The following ANO1 variants were observed in gnomAD, a reference collection of about 807,000 sequenced individuals.
The protein encoded by ANO1 is anoctamin 1.
ANO1 carries 59 observed loss-of-function variants against 124.0 expected under a neutral mutation model. The observed-to-expected ratio is 0.48, with a 90% CI of 0.39 to 0.59. The LOEUF (loss-of-function observed/expected upper bound fraction) is 0.59. Ranked by LOEUF, ANO1 falls within the 20% of genes least tolerant of loss-of-function variation. The pLI, the probability that ANO1 is intolerant of heterozygous loss-of-function variation, is 0.00. For missense variants in ANO1, 1,059 were observed against 1,328.0 expected (o/e 0.80, Z 3.15); for synonymous variants, 529 against 532.0 (o/e 0.99, Z 0.08).
chr11:70,149,805 G>C lies in ANO1; in HGVS notation c.1341+13G>C, dbSNP rs767057108. ...TGAAGAGGAAGAGGTCAGTGGGTTT[G>C]CCGCCGTGCATATCACGCCCTTCCC... On this transcript the variant is annotated intron_variant, in intron 12 of 25. Coordinates refer to ENST00000355303, the MANE Select transcript of ANO1 (RefSeq NM_018043.7). 38 of 1,612,632 alleles carry C rather than the reference G, an allele frequency of 2.4e-5. No homozygotes were observed. Among genetic ancestry groups the C allele is most frequent in the Middle Eastern group, 1.6e-4 (1 of 6,080 alleles).
At chr11:70,183,607 G>A (rs905350136) in intron 24 of ANO1, among the ~76,000 whole-genome samples, 3 of 152,216 alleles carry the variant, frequency 2.0e-5, no homozygotes, top group Non-Finnish European at 4.4e-5. Flanking sequence ...AAAGAGGAAC[G>A]AGCTGGTGCG....
intron 1 of ANO1, among the ~76,000 whole-genome samples, chr11:70,053,133 T>TAATTCCAATA (rs1857380305): frequency 1.3e-5 from 2 of 152,238 alleles, no homozygotes; most frequent in African/African-American, 4.8e-5. Flanking sequence ...ATTTACTTTT[T>TAATTCCAATA]GATTCCAATA....
At chr11:70,076,491 C>T (rs1016482956), upstream of ANO1, among the ~76,000 whole-genome samples, 3 of 151,898 alleles carry the variant, frequency 2.0e-5, no homozygotes, top group African/African-American at 4.8e-5. Flanking sequence ...TGTTGGCACT[C>T]GAACACAAAT....
At chr11:70,056,006 TA>T (rs1555006813) in intron 1 of ANO1, among the ~76,000 whole-genome samples, 133 of 152,044 alleles carry the variant, frequency 8.7e-4, no homozygotes, top group African/African-American at 3.1e-3. Flanking sequence ...TTTTGTCATG[TA>T]TTAATATTAC....
chr11:69,988,125 G>A lies in ANO1; in HGVS notation c.58+1959G>A, dbSNP rs1221105075. On this transcript the variant is annotated intron_variant, in intron 1 of 27. Coordinates refer to the ANO1 transcript ENST00000531349. ...TCCATGGGAAGCCTCACAGCACCAC[G>A]CCACTTTCGCTCTGTCCATGTCATT... 3.3e-5 allele frequency among the ~76,000 whole-genome samples: 5 copies of A among 152,196 alleles called. No homozygotes were observed. The South Asian group carries it at 6.2e-4, about 19-fold the overall frequency.
At position 69,992,253 on chromosome 11, in the gene ANO1, G is replaced by GATGT. The variant is rs1412634332; in HGVS notation, c.58+6090_58+6091insTATG. On this transcript the variant is annotated intron_variant, in intron 1 of 27. Coordinates refer to the ANO1 transcript ENST00000531349. Reference sequence around the variant, plus strand: ...GGATGGATGGATGGATGGATGGATGGATGATGGATAAATGGATGGATGGAC... The same window carrying GATGT: ...GGATGGATGGATGGATGGATGGATGGATGTATGATGGATAAATGGATGGATGGAC... 6.0e-5 allele frequency among the ~76,000 whole-genome samples: 9 copies of GATGT among 150,016 alleles called. No homozygotes were observed. In the South Asian group the frequency reaches 1.1e-3, roughly 18 times the overall value.
At chr11:70,008,416 T>C (rs1473724767) in intron 1 of ANO1, among the ~76,000 whole-genome samples, 1 of 152,240 alleles carries the variant, frequency 6.6e-6, no homozygotes. Flanking sequence ...AGTTCACTTT[T>C]GTATATGGCG....
intron 12 of ANO1, among the ~76,000 whole-genome samples, chr11:70,150,082 C>T (rs58630770): frequency 0.013 from 2,054 of 152,322 alleles, 58 homozygotes; most frequent in African/African-American, 0.047. Context: ...TGCCAGGGCT[C>T]ACCACACTGA....
intron 1 of ANO1, among the ~76,000 whole-genome samples, chr11:70,068,923 C>A (rs919704269): frequency 6.6e-6 from 1 of 152,216 alleles, no homozygotes; most frequent in Non-Finnish European, 1.5e-5. Context: ...CCCAATGTCA[C>A]CAGCCGCTGC....
chr11:70,048,473 G>T (rs575820101), intron 1 of ANO1, among the ~76,000 whole-genome samples: 11 of 152,040 alleles, frequency 7.2e-5, no homozygotes, highest in East Asian at 1.9e-4. Flanking sequence ...TTAGGCAATG[G>T]GGGGGTGGTG....
intron 12 of ANO1, among the ~76,000 whole-genome samples, chr11:70,151,302 T>A (rs541658966): frequency 1.3e-5 from 2 of 152,220 alleles, no homozygotes; most frequent in African/African-American, 4.8e-5. Flanking sequence ...GCCGATCTCA[T>A]TATCCTGTCC....
At chr11:70,103,496 G>A (rs904241970) in intron 3 of ANO1, among the ~76,000 whole-genome samples, 1 of 152,276 alleles carries the variant, frequency 6.6e-6, no homozygotes, top group East Asian at 1.9e-4. Flanking sequence ...TCGGGCCGTG[G>A]TGCTTTCGTG....
At chr11:70,074,971 C>T (rs557253992), upstream of ANO1, 7 of 152,354 alleles carry the variant, frequency 4.6e-5, no homozygotes, top group East Asian at 1.4e-3. Context: ...TCCTCGCCTA[C>T]CATCCAAAGG....
intron 1 of ANO1, among the ~76,000 whole-genome samples, chr11:70,010,087 G>A (rs781097799): frequency 6.6e-6 from 1 of 151,138 alleles, no homozygotes; most frequent in Non-Finnish European, 1.5e-5. Flanking sequence ...CCAGGTTGCT[G>A]TGAATATCCT....
Position 70,106,553 on chromosome 11 carries a change from C to G in ANO1, c.747+765C>G, listed in dbSNP as rs575478727. Among the ~76,000 whole-genome samples the G allele has an allele frequency of 6.6e-5, 10 of 152,266 alleles. No homozygotes were observed. In the East Asian group the frequency reaches 1.9e-3, roughly 29 times the overall value. ...CAGCAGGAGGTCGGTGCAGGTCGTA[C>G]CAGCACGGGGGGTTCTGAGCCACTG... On this transcript the variant is annotated intron_variant, in intron 5 of 25. Coordinates refer to ENST00000355303, the MANE Select transcript of ANO1 (RefSeq NM_018043.7).
At chr11:70,062,067 C>CTTTTTTT (rs1175846749) in intron 1 of ANO1, among the ~76,000 whole-genome samples, 68 of 62,256 alleles carry the variant, frequency 1.1e-3, no homozygotes, top group Non-Finnish European at 1.5e-3. Flanking sequence ...TTCCTTCTTT[C>CTTTTTTT]TTTTTTTTTT....
intron 1 of ANO1, among the ~76,000 whole-genome samples, chr11:70,063,177 C>T (rs782668954): frequency 2.6e-5 from 4 of 152,132 alleles, no homozygotes; most frequent in Non-Finnish European, 5.9e-5. Context: ...GATCCACCTC[C>T]CAAAGTGCTG....
At chr11:70,106,112 A>T (rs954700767) in intron 5 of ANO1, among the ~76,000 whole-genome samples, 1 of 151,840 alleles carries the variant, frequency 6.6e-6, no homozygotes, top group Non-Finnish European at 1.5e-5. Flanking sequence ...TCGTGGTGGG[A>T]TTGTGCGTGC....
At chr11:70,032,818 A>C (rs61053032) in intron 1 of ANO1, among the ~76,000 whole-genome samples, 3,284 of 152,072 alleles carry the variant, frequency 0.022, 129 homozygotes, top group African/African-American at 0.075. Context: ...AACACATAGG[A>C]GGAGGAGGGA....
Sources: gnomAD v4.1 joint callset for allele counts (sites outside exome capture counted in the v4.1 genomes callset) on GRCh38, gnomAD v4.1.1 for gene constraint, MANE v1.5 for transcripts, NCBI Gene and HGNC (gene_info 2026-07-23, HGNC 2026-07-21) for gene names.